The following CFAP70 variants were observed in gnomAD, a reference collection of about 807,000 sequenced individuals.
The protein encoded by CFAP70 is cilia and flagella associated protein 70.
CFAP70 carries 81 observed loss-of-function variants against 137.6 expected under a neutral mutation model. That is an observed-to-expected ratio of 0.59 (90% CI 0.49 to 0.71). CFAP70 has a LOEUF of 0.71. CFAP70 is among the 30% of genes least tolerant of loss of function. The probability of loss-of-function intolerance (pLI) is 0.00; values close to 1 mark genes in which losing one functional copy is unlikely to be tolerated. For missense variants in CFAP70, 976 were observed against 1,226.7 expected (o/e 0.80, Z 3.05); for synonymous variants, 382 against 423.6 (o/e 0.90, Z 1.20).
chr10:73,281,294 C>T (rs2047237178), intron 19 of CFAP70, among the ~76,000 whole-genome samples: 1 of 151,848 alleles, frequency 6.6e-6, no homozygotes, highest in Admixed American at 6.6e-5. Flanking sequence ...ACGTGATCCT[C>T]CCACGTGAGC....
intron 6 of CFAP70, among the ~76,000 whole-genome samples, chr10:73,339,371 AAAGTATCTAG>A (rs1286530429): frequency 1.4e-4 from 22 of 152,366 alleles, no homozygotes; most frequent in Admixed American, 5.2e-4. Context: ...TATACATAAG[AAAGTATCTAG>A]AAGGAAACAC....
At chr10:73,285,635 CTT>C (rs769793433) in intron 19 of CFAP70, among the ~76,000 whole-genome samples, 9 of 136,854 alleles carry the variant, frequency 6.6e-5, no homozygotes, top group Admixed American at 7.4e-5. Context: ...ACTATATTTT[CTT>C]TTTTTTTTTT....
intron 25 of CFAP70, among the ~76,000 whole-genome samples, chr10:73,256,717 C>T (rs923076200): frequency 6.6e-6 from 1 of 151,652 alleles, no homozygotes; most frequent in Non-Finnish European, 1.5e-5. Flanking sequence ...TCCTGGCTAA[C>T]ACGGTGAAAC....
exon 20 of CFAP70, chr10:73,278,274 T>C (rs767322973): frequency 9.9e-6 from 16 of 1,613,974 alleles, no homozygotes; most frequent in Non-Finnish European, 1.4e-5. Flanking sequence ...TTCTTGTGAA[T>C]CAGACTGCAG....
chr10:73,310,306 T>A (rs746700538), intron 11 of CFAP70, 57 bp from the exon 13 acceptor site: 2 of 1,240,990 alleles, frequency 1.6e-6, no homozygotes, highest in Non-Finnish European at 2.3e-6. Flanking sequence ...ATGAAAAATT[T>A]AGTAACATAA....
At chr10:73,281,192 GTATT>G (rs912091984) in intron 19 of CFAP70, among the ~76,000 whole-genome samples, 58 of 151,874 alleles carry the variant, frequency 3.8e-4, no homozygotes, top group Admixed American at 2.8e-3. Context: ...AGATCTGTAT[GTATT>G]TATTTATTGA....
chr10:73,276,111 T>G (rs1055273994), intron 21 of CFAP70: 2 of 151,800 alleles, frequency 1.3e-5, no homozygotes, highest in Non-Finnish European at 2.9e-5. Flanking sequence ...TTTTGTTTTT[T>G]TTTTTTTCTT....
chr10:73,277,489 C>A (rs142602236), intron 20 of CFAP70, 128 bp from the exon 22 acceptor site: 7 of 960,294 alleles, frequency 7.3e-6, no homozygotes, highest in African/African-American at 1.7e-5. Context: ...CCGAGGCAGG[C>A]AGATCACGAG....
chr10:73,293,416 C>T (rs1314388761), intron 15 of CFAP70, 28 bp from the exon 17 acceptor site: 2 of 1,541,492 alleles, frequency 1.3e-6, no homozygotes, highest in East Asian at 2.3e-5. Context: ...GTTAGGTAGA[C>T]AAAAATGAAA....
In CFAP70 at chr10:73,355,727, G is replaced by C. The variant is rs532686872; in HGVS notation, c.-39-892C>G. Among the ~76,000 whole-genome samples, 7 of 152,288 alleles carry C rather than the reference G, an allele frequency of 4.6e-5. No individual in the cohort carries two copies. The South Asian group carries it at 1.5e-3, about 32-fold the overall frequency. On this transcript the variant is annotated intron_variant, in intron 1 of 26. Transcript: ENST00000310715. ...CGGCAGGCAGAGGTTGCAGTGAGCT[G>C]AGATCACACCACTGAACTCCAGCCT...
intron 4 of CFAP70, among the ~76,000 whole-genome samples, chr10:73,347,754 G>T (rs1028835916): frequency 7.9e-5 from 12 of 152,300 alleles, no homozygotes; most frequent in Middle Eastern, 3.4e-3. Flanking sequence ...GGCTAGAACT[G>T]CTGGATTAGA....
chr10:73,314,145 C>T (rs1564827546), intron 9 of CFAP70, among the ~76,000 whole-genome samples: 1 of 151,790 alleles, frequency 6.6e-6, no homozygotes, highest in African/African-American at 2.4e-5. Context: ...GGAGGCCAGG[C>T]GAGAGGGGAG....
At chr10:73,270,453 CAGCCACCCTTTTCTTTT>C (rs2046174969) in intron 24 of CFAP70, among the ~76,000 whole-genome samples, 2 of 126,092 alleles carry the variant, frequency 1.6e-5, no homozygotes, top group African/African-American at 3.2e-5. Context: ...CTCCCCTCCC[CAGCCACCCTTTTCTTTT>C]CTCTTTTCTT....
In CFAP70 at chr10:73,312,652, C is replaced by CA. The variant is rs775213157; in HGVS notation, c.913-10dup. The CA allele has an allele frequency of 6.3e-5, 96 of 1,514,672 alleles. 1 individual carries two copies. Among genetic ancestry groups the CA allele is most frequent in the South Asian group, 4.0e-4 (30 of 74,852 alleles). 93.8% of individuals were successfully genotyped at this position (1,514,672 alleles called of 1,614,324 possible). On this transcript the variant is annotated splice_polypyrimidine_tract_variant and intron_variant, in intron 9 of 26. Transcript: ENST00000310715. Reference sequence around the variant, plus strand: ...CTCAATAAACATTTGGTCTGAAAAACAAAAAAACAAACAAAAAAAAGCAAT... The same window carrying CA: ...CTCAATAAACATTTGGTCTGAAAAACAAAAAAAACAAACAAAAAAAAGCAAT...
At chr10:73,286,103 G>A (rs2047686296) in intron 19 of CFAP70, among the ~76,000 whole-genome samples, 1 of 152,150 alleles carries the variant, frequency 6.6e-6, no homozygotes, top group East Asian at 1.9e-4. Context: ...TACACTCTAA[G>A]AGTAAAGGAT....
chr10:73,286,443 C>CAAAA (rs1331190833), intron 19 of CFAP70, among the ~76,000 whole-genome samples: 1 of 152,028 alleles, frequency 6.6e-6, no homozygotes, highest in Non-Finnish European at 1.5e-5. Flanking sequence ...GACACCGTCT[C>CAAAA]AAAAACAAAC....
intron 6 of CFAP70, among the ~76,000 whole-genome samples, chr10:73,338,910 G>C (rs965941652): frequency 6.6e-6 from 1 of 151,036 alleles, no homozygotes; most frequent in Non-Finnish European, 1.5e-5. Flanking sequence ...TGTACACCAA[G>C]GGATCACTAT....
At chr10:73,298,773 G>A (rs1589395996) in intron 14 of CFAP70, 134 bp downstream of exon 15, 2 of 693,420 alleles carry the variant, frequency 2.9e-6, no homozygotes, top group East Asian at 5.5e-5. Context: ...CTATCATAGA[G>A]AACTTAGCTC....
intron 6 of CFAP70, among the ~76,000 whole-genome samples, chr10:73,336,500 C>G (rs911997962): frequency 6.7e-6 from 1 of 149,728 alleles, no homozygotes; most frequent in Non-Finnish European, 1.5e-5. Context: ...CCTCATTTTA[C>G]AAATTATTTT....
Sources: gnomAD v4.1 joint callset for allele counts (sites outside exome capture counted in the v4.1 genomes callset) on GRCh38, gnomAD v4.1.1 for gene constraint, MANE v1.5 for transcripts, NCBI Gene and HGNC (gene_info 2026-07-23, HGNC 2026-07-21) for gene names.